The following ZNF385D variants were observed in gnomAD, a reference collection of about 807,000 sequenced individuals.
ZNF385D encodes zinc finger protein 659.
In ZNF385D, 15 loss-of-function variants were observed where a neutral mutation model predicts 35.8. The ratio of observed to expected loss-of-function variants is 0.42; its 90% CI spans 0.28 to 0.64. ZNF385D has a LOEUF of 0.64. Among genes scored for constraint, ZNF385D ranks in the 30% least tolerant of loss-of-function variants. ZNF385D has a pLI of 0.23. For synonymous variants in ZNF385D, 212 were observed against 186.8 expected, an observed-to-expected ratio of 1.13 and a Z score of -1.10; for missense variants, 474 against 494.6, an observed-to-expected ratio of 0.96 and a Z score of 0.39.
intron 2 of ZNF385D, among the ~76,000 whole-genome samples, chr3:22,193,092 G>T (rs1696169610): frequency 6.6e-6 from 1 of 152,050 alleles, no homozygotes; most frequent in African/African-American, 2.4e-5. Context: ...TTCATTCAAA[G>T]AAAATTCTTA....
At chr3:21,505,897 A>G (rs1706738982) in intron 4 of ZNF385D, among the ~76,000 whole-genome samples, 1 of 152,146 alleles carries the variant, frequency 6.6e-6, no homozygotes, top group Admixed American at 6.6e-5. Flanking sequence ...TATCTCATTG[A>G]ATATGTATAC....
chr3:21,627,286 T>TGTGTGA (rs57761954), intron 2 of ZNF385D, among the ~76,000 whole-genome samples: 11 of 144,524 alleles, frequency 7.6e-5, no homozygotes, highest in African/African-American at 2.0e-4. Flanking sequence ...TGTGTGTGTG[T>TGTGTGA]GAATTACTAC....
chr3:22,109,812 A>C (rs1438305374), intron 3 of ZNF385D, among the ~76,000 whole-genome samples: 1 of 152,196 alleles, frequency 6.6e-6, no homozygotes, highest in Non-Finnish European at 1.5e-5. Context: ...TCTGCACAGC[A>C]AAAGAAACTG....
intron 4 of ZNF385D, among the ~76,000 whole-genome samples, chr3:21,473,807 A>T (rs1704053189): frequency 6.6e-6 from 1 of 152,060 alleles, no homozygotes; most frequent in Non-Finnish European, 1.5e-5. Flanking sequence ...CTGACCAGAG[A>T]TTCAGAGACA....
intron 3 of ZNF385D, among the ~76,000 whole-genome samples, chr3:21,956,384 T>C (rs930293100): frequency 6.6e-6 from 1 of 151,828 alleles, no homozygotes; most frequent in Non-Finnish European, 1.5e-5. Flanking sequence ...TATAATATAA[T>C]AGTAATAACG....
intron 3 of ZNF385D, among the ~76,000 whole-genome samples, chr3:21,886,625 A>G (rs528647674): frequency 6.6e-6 from 1 of 152,234 alleles, no homozygotes; most frequent in South Asian, 2.1e-4. Context: ...TTAAAATGCT[A>G]CATTGTCTGT....
At chr3:21,432,844 C>G (rs910520253) in intron 5 of ZNF385D, among the ~76,000 whole-genome samples, 1 of 151,444 alleles carries the variant, frequency 6.6e-6, no homozygotes, top group Non-Finnish European at 1.5e-5. Flanking sequence ...GTATTCTAAT[C>G]TTATGGAATA....
At chr3:22,204,933 G>A (rs894889718) in intron 2 of ZNF385D, among the ~76,000 whole-genome samples, 1 of 149,036 alleles carries the variant, frequency 6.7e-6, no homozygotes, top group Non-Finnish European at 1.5e-5. Flanking sequence ...GAGAGCCTGG[G>A]GTAGAAAGTT....
At chr3:21,757,972 G>A (rs1246939450) in intron 3 of ZNF385D, among the ~76,000 whole-genome samples, 1 of 152,108 alleles carries the variant, frequency 6.6e-6, no homozygotes, top group Non-Finnish European at 1.5e-5. Flanking sequence ...GCTTCCTACT[G>A]TTCCTACTGA....
At chr3:22,255,846 C>T (rs910614872) in intron 2 of ZNF385D, among the ~76,000 whole-genome samples, 4 of 149,984 alleles carry the variant, frequency 2.7e-5, no homozygotes, top group African/African-American at 7.4e-5. Context: ...ATGGTTAATA[C>T]TGAGTGTCAA....
intron 3 of ZNF385D, among the ~76,000 whole-genome samples, chr3:21,844,949 T>C (rs1166513607): frequency 1.3e-5 from 2 of 151,950 alleles, no homozygotes; most frequent in African/African-American, 4.8e-5. Flanking sequence ...AGAGCTATTG[T>C]TTTTCTAACA....
chr3:22,010,805 T>C (rs1222983621), intron 3 of ZNF385D, among the ~76,000 whole-genome samples: 1 of 152,328 alleles, frequency 6.6e-6, no homozygotes, highest in South Asian at 2.1e-4. Context: ...TTTTGACAGA[T>C]GGTGCTTTGG....
At chr3:22,078,269 G>C (rs979611979) in intron 3 of ZNF385D, among the ~76,000 whole-genome samples, 5 of 151,834 alleles carry the variant, frequency 3.3e-5, no homozygotes, top group African/African-American at 1.2e-4. Context: ...TCTATATTTT[G>C]AGAAAAAAAT....
chr3:22,047,610 G>A (rs2125520113), intron 3 of ZNF385D, among the ~76,000 whole-genome samples: 1 of 152,142 alleles, frequency 6.6e-6, no homozygotes, highest in East Asian at 1.9e-4. Flanking sequence ...AGTTCATTGT[G>A]TGCATAAATA....
chr3:21,598,423 T>A (rs1408666156), intron 2 of ZNF385D, among the ~76,000 whole-genome samples: 1 of 152,172 alleles, frequency 6.6e-6, no homozygotes, highest in African/African-American at 2.4e-5. Context: ...ATTAAAAAAA[T>A]TTAGGAAAAA....
intron 2 of ZNF385D, among the ~76,000 whole-genome samples, chr3:22,327,165 C>A (rs771304144): frequency 8.5e-5 from 13 of 152,070 alleles, no homozygotes; most frequent in Non-Finnish European, 1.9e-4. Flanking sequence ...ACCCTACCAC[C>A]CTTACTAATT....
chr3:22,039,586 G>C (rs1367218409), intron 3 of ZNF385D, among the ~76,000 whole-genome samples: 1 of 151,938 alleles, frequency 6.6e-6, no homozygotes, highest in Non-Finnish European at 1.5e-5. Context: ...AAAAATCTAG[G>C]CATTAAGCTA....
chr3:22,015,918 T>A (rs1407363434), intron 3 of ZNF385D, among the ~76,000 whole-genome samples: 4 of 152,108 alleles, frequency 2.6e-5, no homozygotes, highest in Admixed American at 2.0e-4. Flanking sequence ...AAAAAAGACA[T>A]CTTTTTTCTG....
At chr3:22,000,720 AG>A (rs1204782507) in intron 3 of ZNF385D, among the ~76,000 whole-genome samples, 1 of 151,954 alleles carries the variant, frequency 6.6e-6, no homozygotes, top group East Asian at 1.9e-4. Context: ...GAAACCTTAC[AG>A]GCCAGGAGAG....
Sources: allele counts gnomAD v4.1 joint callset (sites outside exome capture counted in the v4.1 genomes callset), GRCh38; gene constraint gnomAD v4.1.1; transcripts MANE v1.5; gene names NCBI Gene and HGNC (gene_info 2026-07-23, HGNC 2026-07-21).